Variants in KLF12 observed in about 807,000 individuals in gnomAD.
KLF12 encodes the protein Krueppel-like factor 12.
Under a neutral mutation model 37.8 loss-of-function variants are expected in KLF12, and 9 were observed. The observed-to-expected ratio is 0.24, with a 90% CI of 0.14 to 0.42. The LOEUF is 0.42. Among genes scored for constraint, KLF12 ranks in the 10% least tolerant of loss-of-function variants. The probability of loss-of-function intolerance (pLI) is 1.00; values close to 1 mark genes in which losing one functional copy is unlikely to be tolerated. For synonymous variants in KLF12, 208 were observed against 202.1 expected (o/e 1.03, Z -0.25); for missense variants, 411 against 516.0 (o/e 0.80, Z 1.97).
At chr13:74,071,144 T>C (rs1418703987) in intron 1 of KLF12, among the ~76,000 whole-genome samples, 1 of 152,216 alleles carries the variant, frequency 6.6e-6, no homozygotes, top group Non-Finnish European at 1.5e-5. Context: ...TGGAGAGTAC[T>C]ATATAAAAAT....
chr13:73,887,902 T>C (rs758868766), intron 3 of KLF12, among the ~76,000 whole-genome samples: 8 of 152,106 alleles, frequency 5.3e-5, no homozygotes, highest in Non-Finnish European at 7.3e-5. Flanking sequence ...CAGGAAGTGA[T>C]TGAATACATA....
intron 5 of KLF12, among the ~76,000 whole-genome samples, chr13:73,779,055 T>C (rs976422570): frequency 6.6e-6 from 1 of 152,204 alleles, no homozygotes; most frequent in African/African-American, 2.4e-5. Context: ...CAGCATATAA[T>C]ATACATATTA....
chr13:73,717,133 A>G (rs1416713871), intron 6 of KLF12, among the ~76,000 whole-genome samples: 2 of 152,180 alleles, frequency 1.3e-5, no homozygotes, highest in Admixed American at 1.3e-4. Context: ...GATTATATAT[A>G]AACAAATGAA....
chr13:74,082,425 T>TA (rs1874971309), intron 1 of KLF12, among the ~76,000 whole-genome samples: 1 of 152,210 alleles, frequency 6.6e-6, no homozygotes, highest in African/African-American at 2.4e-5. Flanking sequence ...TATAGGTAGC[T>TA]AAGAGATTAT....
chr13:73,986,377 A>G (rs1891829231), intron 2 of KLF12, among the ~76,000 whole-genome samples: 1 of 152,230 alleles, frequency 6.6e-6, no homozygotes, highest in South Asian at 2.1e-4. Context: ...GAAGAAAATT[A>G]TATTTTGATT....
chr13:74,258,982 G>T, the KLF12 span: 1 of 152,264 alleles, frequency 6.6e-6, no homozygotes, highest in Non-Finnish European at 1.5e-5. Context: ...CCCCAGAGTT[G>T]TCCCCCTCTG....
At chr13:73,997,507 C>T (rs142536316) in intron 1 of KLF12, among the ~76,000 whole-genome samples, 7 of 152,176 alleles carry the variant, frequency 4.6e-5, no homozygotes, top group African/African-American at 1.7e-4. Context: ...CATGATAGAA[C>T]AGATACATCT....
chr13:73,853,545 T>C (rs1469107571), intron 3 of KLF12, among the ~76,000 whole-genome samples: 1 of 152,120 alleles, frequency 6.6e-6, no homozygotes, highest in Non-Finnish European at 1.5e-5. Flanking sequence ...AAGACCAGCC[T>C]GACCAACATG....
intron 5 of KLF12, among the ~76,000 whole-genome samples, chr13:73,773,210 A>G (rs2138133929): frequency 6.6e-6 from 1 of 152,272 alleles, no homozygotes; most frequent in South Asian, 2.1e-4. Flanking sequence ...GGCAGAATTT[A>G]AGTGAGAAGA....
Position 73,718,134 on chromosome 13 carries a change from A to G in KLF12, c.870-2609T>C, listed in dbSNP as rs1373670433. On this transcript the variant is annotated intron_variant, in intron 6 of 7. Transcript: ENST00000377669. ...TAAAGAAGTCTAAATGTAACTATGC[A>G]TAAACACACACATACAGGTTTTTGC... is the stretch of plus-strand genomic sequence containing the variant. Among the ~76,000 whole-genome samples, 3 of 152,230 alleles carry G rather than the reference A, an allele frequency of 2.0e-5. No homozygotes were observed. The South Asian group carries it at 6.2e-4, about 32-fold the overall frequency.
At chr13:73,948,370 C>A (rs1348143767) in intron 2 of KLF12, among the ~76,000 whole-genome samples, 1 of 152,156 alleles carries the variant, frequency 6.6e-6, no homozygotes, top group South Asian at 2.1e-4. Flanking sequence ...TACAGGCATG[C>A]GCCACCACGC....
At chr13:73,947,548 G>A (rs1890481872) in intron 2 of KLF12, among the ~76,000 whole-genome samples, 1 of 151,110 alleles carries the variant, frequency 6.6e-6, no homozygotes, top group Non-Finnish European at 1.5e-5. Context: ...CTACTGAGGA[G>A]GCTGAGGCAG....
chr13:74,191,510 T>A, the KLF12 span, among the ~76,000 whole-genome samples: 939 of 152,342 alleles, frequency 6.2e-3, 11 homozygotes, highest in African/African-American at 0.022. Context: ...CATCTCAGTG[T>A]TCAATGTCTG....
chr13:73,854,215 ACTTTTAGGGGATAAATC>A (rs1885484919), intron 3 of KLF12, among the ~76,000 whole-genome samples: 1 of 152,206 alleles, frequency 6.6e-6, no homozygotes, highest in Non-Finnish European at 1.5e-5. Flanking sequence ...TGTTGTATAG[ACTTTTAGGGGATAAATC>A]TTTATCCTAA....
the KLF12 span, among the ~76,000 whole-genome samples, chr13:74,271,510 TA>T: frequency 6.6e-6 from 1 of 152,150 alleles, no homozygotes; most frequent in African/African-American, 2.4e-5. Flanking sequence ...AAGAGCCTCT[TA>T]AAAAATGAAT....
chr13:73,831,909 G>T (rs1884182634), intron 4 of KLF12, among the ~76,000 whole-genome samples: 1 of 152,172 alleles, frequency 6.6e-6, no homozygotes, highest in Non-Finnish European at 1.5e-5. Flanking sequence ...ACATTTTGGG[G>T]AACCCAAGTT....
chr13:73,900,118 G>A (rs181103863), intron 3 of KLF12, among the ~76,000 whole-genome samples: 20 of 152,262 alleles, frequency 1.3e-4, no homozygotes, highest in Admixed American at 8.5e-4. Context: ...CTCATGAAAA[G>A]TATAAAATCA....
intron 1 of KLF12, among the ~76,000 whole-genome samples, chr13:74,116,413 G>T: frequency 6.6e-6 from 1 of 152,144 alleles, no homozygotes; most frequent in East Asian, 1.9e-4. Context: ...TTTACAGCAC[G>T]TGTAGTTTTA....
chr13:74,163,064 G>A, the KLF12 span, among the ~76,000 whole-genome samples: 1 of 152,038 alleles, frequency 6.6e-6, no homozygotes, highest in African/African-American at 2.4e-5. Flanking sequence ...AAAAGGGAAG[G>A]TAGAGGCTAT....
Sources: gnomAD v4.1 joint callset for allele counts (sites outside exome capture counted in the v4.1 genomes callset) on GRCh38, gnomAD v4.1.1 for gene constraint, MANE v1.5 for transcripts, NCBI Gene and HGNC (gene_info 2026-07-23, HGNC 2026-07-21) for gene names.